Variants in CSMD1 observed in about 807,000 individuals in gnomAD.
CSMD1 encodes CUB and sushi domain-containing protein 1.
CSMD1 carries 213 observed loss-of-function variants against 417.5 expected under a neutral mutation model. The observed-to-expected ratio is 0.51, with a 90% CI of 0.46 to 0.57. CSMD1 has a LOEUF of 0.57. Ranked by LOEUF, CSMD1 falls within the 20% of genes least tolerant of loss-of-function variation. The pLI, the probability that CSMD1 is intolerant of heterozygous loss-of-function variation, is 0.00. For missense variants in CSMD1, 6,923 were observed against 4,529.7 expected (o/e 1.53, Z -15.17); for synonymous variants, 2,862 against 1,736.8 (o/e 1.65, Z -16.11).
At chr8:3,485,309 C>T (rs763865122) in intron 11 of CSMD1, among the ~76,000 whole-genome samples, 9 of 152,112 alleles carry the variant, frequency 5.9e-5, no homozygotes, top group Non-Finnish European at 8.8e-5. Flanking sequence ...ACACTACGTG[C>T]TTCTAATTAT....
At chr8:3,871,271 T>C (rs1200210184) in intron 5 of CSMD1, among the ~76,000 whole-genome samples, 1 of 151,808 alleles carries the variant, frequency 6.6e-6, no homozygotes, top group Non-Finnish European at 1.5e-5. Context: ...CAAATTACTC[T>C]TCAATAAAAA....
intron 3 of CSMD1, among the ~76,000 whole-genome samples, chr8:4,225,603 T>C (rs1389344937): frequency 6.6e-6 from 1 of 151,700 alleles, no homozygotes; most frequent in African/African-American, 2.4e-5. Flanking sequence ...TGGGAGGAAA[T>C]ATGCTGTTGT....
intron 3 of CSMD1, among the ~76,000 whole-genome samples, chr8:4,142,197 T>G (rs902471381): frequency 6.6e-6 from 1 of 151,210 alleles, no homozygotes; most frequent in African/African-American, 2.5e-5. Context: ...ATCACCAGAT[T>G]AAAACATTTT....
chr8:3,558,267 C>T (rs904796652), intron 10 of CSMD1, among the ~76,000 whole-genome samples: 24 of 150,356 alleles, frequency 1.6e-4, no homozygotes, highest in Non-Finnish European at 2.7e-4. Flanking sequence ...TGTGTCCACT[C>T]CTCCAGTGAT....
chr8:4,188,081 T>C (rs1248602402), intron 3 of CSMD1, among the ~76,000 whole-genome samples: 2 of 152,082 alleles, frequency 1.3e-5, no homozygotes, highest in African/African-American at 4.8e-5. Context: ...AATAGAAAAG[T>C]GACTGCTGGC....
At chr8:4,348,417 T>C (rs548047385) in intron 3 of CSMD1, among the ~76,000 whole-genome samples, 66 of 152,270 alleles carry the variant, frequency 4.3e-4, no homozygotes, top group African/African-American at 1.4e-3. Flanking sequence ...TAAGTGATTC[T>C]GTATTTTTAA....
intron 1 of CSMD1, among the ~76,000 whole-genome samples, chr8:4,846,882 T>A (rs977418590): frequency 1.8e-4 from 27 of 152,318 alleles, no homozygotes; most frequent in African/African-American, 6.0e-4. Context: ...TGAAATAGAA[T>A]AATAGTGAAA....
At chr8:3,183,616 T>C (rs1192795861) in intron 36 of CSMD1, among the ~76,000 whole-genome samples, 1 of 150,804 alleles carries the variant, frequency 6.6e-6, no homozygotes, top group African/African-American at 2.4e-5. Context: ...TCTCTAATGT[T>C]TCTTAACGAT....
chr8:3,225,808 G>C (rs539363888), intron 27 of CSMD1, among the ~76,000 whole-genome samples: 113 of 152,256 alleles, frequency 7.4e-4, no homozygotes, highest in African/African-American at 2.3e-3. Flanking sequence ...CTTTTGGTCT[G>C]GTATTCTTCA....
intron 2 of CSMD1, among the ~76,000 whole-genome samples, chr8:4,611,925 T>A (rs564674604): frequency 2.0e-5 from 3 of 152,206 alleles, no homozygotes; most frequent in Non-Finnish European, 4.4e-5. Flanking sequence ...CATTCCTGAA[T>A]AGTTACTTGT....
intron 1 of CSMD1, among the ~76,000 whole-genome samples, chr8:4,682,957 TA>T (rs1806140935): frequency 7.9e-5 from 1 of 12,608 alleles, no homozygotes; most frequent in Non-Finnish European, 1.4e-4. Context: ...AGTATCTTCA[TA>T]TATATATATA....
At chr8:3,729,500 C>G (rs1585144967) in intron 6 of CSMD1, among the ~76,000 whole-genome samples, 1 of 152,146 alleles carries the variant, frequency 6.6e-6, no homozygotes, top group African/African-American at 2.4e-5. Context: ...GTATCCCCAG[C>G]AAGACAGACT....
chr8:3,741,200 C>A, intron 6 of CSMD1, among the ~76,000 whole-genome samples: 3 of 113,550 alleles, frequency 2.6e-5, no homozygotes, highest in Admixed American at 1.2e-4. Flanking sequence ...GGCAACAGAG[C>A]AAGACTCCGT....
chr8:4,349,551 T>A (rs1800967397), intron 3 of CSMD1, among the ~76,000 whole-genome samples: 1 of 152,188 alleles, frequency 6.6e-6, no homozygotes, highest in African/African-American at 2.4e-5. Context: ...CCATGCTTTT[T>A]TATATTAGGT....
chr8:3,701,137 G>T (rs564841270), intron 7 of CSMD1, among the ~76,000 whole-genome samples: 6 of 151,968 alleles, frequency 3.9e-5, no homozygotes, highest in Admixed American at 2.0e-4. Context: ...AAGAGGGAGA[G>T]AGATGCCTGT....
At chr8:3,975,690 T>C (rs1813385590) in intron 5 of CSMD1, among the ~76,000 whole-genome samples, 1 of 152,172 alleles carries the variant, frequency 6.6e-6, no homozygotes, top group East Asian at 1.9e-4. Flanking sequence ...AGATGATGGA[T>C]TTAAAAGCCA....
chr8:3,745,609 T>C (rs577884576), intron 6 of CSMD1, among the ~76,000 whole-genome samples: 2 of 152,326 alleles, frequency 1.3e-5, no homozygotes, highest in Admixed American at 1.3e-4. Flanking sequence ...TCTGGATTCA[T>C]TCTGAGCACT....
chr8:3,469,651 G>A (rs1023049064), intron 11 of CSMD1, among the ~76,000 whole-genome samples: 1 of 152,192 alleles, frequency 6.6e-6, no homozygotes, highest in Non-Finnish European at 1.5e-5. Context: ...CAAATAGGAA[G>A]CTTGACTTTC....
At chr8:4,382,440 T>C (rs1445269427) in intron 3 of CSMD1, among the ~76,000 whole-genome samples, 3 of 152,238 alleles carry the variant, frequency 2.0e-5, no homozygotes, top group Admixed American at 2.0e-4. Flanking sequence ...TAGTATAGTC[T>C]GGCCTTGTTA....
Sources: gnomAD v4.1 joint callset for allele counts (sites outside exome capture counted in the v4.1 genomes callset) on GRCh38, gnomAD v4.1.1 for gene constraint, MANE v1.5 for transcripts, NCBI Gene and HGNC (gene_info 2026-07-23, HGNC 2026-07-21) for gene names.